The following PLXDC2 variants were observed in gnomAD, a reference collection of about 807,000 sequenced individuals.
PLXDC2 encodes the protein plexin domain-containing protein 2.
PLXDC2 carries 40 observed loss-of-function variants against 68.9 expected under a neutral mutation model. The ratio of observed to expected loss-of-function variants is 0.58; its 90% CI spans 0.45 to 0.76. The LOEUF is 0.76. Among genes scored for constraint, PLXDC2 ranks in the 30% least tolerant of loss-of-function variants. The pLI is 0.00. For missense variants in PLXDC2, 644 were observed against 661.9 expected (o/e 0.97, Z 0.30); for synonymous variants, 243 against 234.2 (o/e 1.04, Z -0.34).
intron 1 of PLXDC2, among the ~76,000 whole-genome samples, chr10:19,835,102 C>A (rs1698388250): frequency 6.6e-6 from 1 of 152,166 alleles, no homozygotes; most frequent in South Asian, 2.1e-4. Context: ...ACTGCCCTTG[C>A]CTGTTGGGCA....
intron 12 of PLXDC2, among the ~76,000 whole-genome samples, chr10:20,229,559 T>G (rs1480460312): frequency 6.7e-6 from 1 of 148,494 alleles, no homozygotes; most frequent in African/African-American, 2.5e-5. Context: ...TGATGGTTGA[T>G]GGAGAGAAAA....
intron 13 of PLXDC2, among the ~76,000 whole-genome samples, chr10:20,275,252 A>G (rs1835991231): frequency 6.6e-6 from 1 of 152,032 alleles, no homozygotes; most frequent in South Asian, 2.1e-4. Context: ...ACCTTAGAAA[A>G]TCATCACCCT....
In PLXDC2 at chr10:20,280,595, C is replaced by T. The variant is rs944562698; in HGVS notation, c.*776C>T. On this transcript the variant is annotated 3_prime_UTR_variant, in exon 14 of 14. Coordinates refer to ENST00000377252, the MANE Select transcript of PLXDC2 (RefSeq NM_032812.9). ...CTGTTTTCCTGCCTCAGCATGAAAA[C>T]ATCTGATTTATGCTTTATGGAAGCC... 6.6e-6 allele frequency: 1 copy of T among 152,060 alleles called. No individual in the cohort carries two copies. Among genetic ancestry groups the T allele is most frequent in the Non-Finnish European group, 1.5e-5 (1 of 68,008 alleles). The allele number at this position is 152,060 out of a possible 1,614,324, so 9.4% of individuals were successfully genotyped here.
At chr10:20,270,017 AAAAATAAAATAAAAT>A (rs149243687) in intron 13 of PLXDC2, among the ~76,000 whole-genome samples, 1,749 of 146,290 alleles carry the variant, frequency 0.012, 36 homozygotes, top group African/African-American at 0.041. Context: ...GGCTCCATCA[AAAAATAAAATAAAAT>A]AAAATAAAAT....
At position 20,285,112 on chromosome 10, in the gene PLXDC2, A is replaced by G. The variant is rs995603723; in HGVS notation, c.*5293A>G. On this transcript the variant is annotated 3_prime_UTR_variant, in exon 14 of 14. Transcript: ENST00000377252. ...TATAGCTGATTTTCTGACCACATATATAATTGCAATTTTTATTTGCTCTTC... is the reference window on the plus strand; with the variant it reads ...TATAGCTGATTTTCTGACCACATATGTAATTGCAATTTTTATTTGCTCTTC... 6.6e-6 allele frequency: 1 copy of G among 152,222 alleles called. No homozygotes were observed. The highest frequency in any genetic ancestry group is 1.5e-5 in the Non-Finnish European group (1 of 68,038). The allele number at this position is 152,222 out of a possible 1,614,324, so 9.4% of individuals were successfully genotyped here. A position where few individuals can be genotyped will look rare whatever the true frequency, so the allele number is the denominator to read the frequency against.
intron 1 of PLXDC2, among the ~76,000 whole-genome samples, chr10:19,893,518 A>G (rs1328737371): frequency 6.6e-6 from 1 of 152,202 alleles, no homozygotes; most frequent in Non-Finnish European, 1.5e-5. Flanking sequence ...AAGTTTTCCT[A>G]GCATAAGCCT....
At chr10:20,180,040 T>TGTTTTATTGAATACCGAACA (rs1834580329) in intron 9 of PLXDC2, among the ~76,000 whole-genome samples, 1 of 152,050 alleles carries the variant, frequency 6.6e-6, no homozygotes, top group East Asian at 1.9e-4. Context: ...GAAAAATAAA[T>TGTTTTATTGAATACCGAACA]CTTTCCTAGT....
In PLXDC2 at chr10:20,170,908, A is replaced by G. The variant is rs1834438488; in HGVS notation, c.884-6091A>G. ...TAAATGCCAAGTGTAATATTTACGTAAACATTATTCTTATTTCTTCTTTGC... is the reference window on the plus strand; with the variant it reads ...TAAATGCCAAGTGTAATATTTACGTGAACATTATTCTTATTTCTTCTTTGC... On this transcript the variant is annotated intron_variant, in intron 7 of 13. Transcript: ENST00000377252. 3.3e-5 allele frequency among the ~76,000 whole-genome samples: 5 copies of G among 151,948 alleles called. 1 individual carries two copies. The South Asian group carries it at 8.3e-4, about 25-fold the overall frequency.
At chr10:19,998,331 T>G (rs1834874907) in intron 1 of PLXDC2, among the ~76,000 whole-genome samples, 1 of 152,228 alleles carries the variant, frequency 6.6e-6, no homozygotes, top group Non-Finnish European at 1.5e-5. Flanking sequence ...CTGTCTTTAT[T>G]CTGTAAAACA....
At chr10:19,856,044 A>C (rs904573990) in intron 1 of PLXDC2, among the ~76,000 whole-genome samples, 1 of 152,298 alleles carries the variant, frequency 6.6e-6, no homozygotes, top group Admixed American at 6.5e-5. Context: ...GCAGTGAGCC[A>C]AGATCGTGCC....
intron 11 of PLXDC2, 119 bp from the exon 12 acceptor site, chr10:20,218,945 T>C: frequency 9.3e-7 from 1 of 1,075,642 alleles, no homozygotes. Flanking sequence ...CCACAATAAA[T>C]TATCAAAATC....
chr10:19,837,097 A>G (rs1452072289), intron 1 of PLXDC2, among the ~76,000 whole-genome samples: 1 of 149,804 alleles, frequency 6.7e-6, no homozygotes, highest in African/African-American at 2.5e-5. Flanking sequence ...TTGCGAGGTG[A>G]ATTGAAGGTT....
At chr10:20,111,877 TC>T (rs1295305763) in intron 4 of PLXDC2, among the ~76,000 whole-genome samples, 14 of 152,192 alleles carry the variant, frequency 9.2e-5, no homozygotes, top group African/African-American at 2.9e-4. Flanking sequence ...TCTGCATTCT[TC>T]CCAAATTCAT....
At chr10:20,054,396 TATGGATGG>T (rs371869910) in intron 3 of PLXDC2, among the ~76,000 whole-genome samples, 22 of 151,732 alleles carry the variant, frequency 1.4e-4, no homozygotes, top group African/African-American at 3.4e-4. Context: ...GATGCGTAAA[TATGGATGG>T]ATGGATGGAT....
At chr10:20,181,833 G>A (rs1215220161) in intron 9 of PLXDC2, among the ~76,000 whole-genome samples, 1 of 151,974 alleles carries the variant, frequency 6.6e-6, no homozygotes, top group African/African-American at 2.4e-5. Flanking sequence ...ATGCGAAGAA[G>A]GGATGTGATT....
intron 4 of PLXDC2, among the ~76,000 whole-genome samples, chr10:20,113,776 C>T (rs1833587619): frequency 6.6e-6 from 1 of 152,136 alleles, no homozygotes. Flanking sequence ...TTCCTCCATT[C>T]TTCTTTGGAA....
intron 2 of PLXDC2, among the ~76,000 whole-genome samples, chr10:20,022,660 G>A (rs1835331616): frequency 6.6e-6 from 1 of 152,066 alleles, no homozygotes; most frequent in Non-Finnish European, 1.5e-5. Context: ...TTCAGTATGG[G>A]TCCTTTTGCT....
intron 8 of PLXDC2, 43 bp downstream of exon 8, chr10:20,177,137 A>T (rs1157136408): frequency 1.6e-5 from 24 of 1,476,560 alleles, no homozygotes; most frequent in Non-Finnish European, 1.8e-5. Flanking sequence ...TGATTTCTAA[A>T]TTTGATGATC....
chr10:20,231,300 A>G (rs7909411), intron 12 of PLXDC2, among the ~76,000 whole-genome samples: 130,105 of 149,766 alleles, frequency 0.87, 57,093 homozygotes, highest in Middle Eastern at 0.94. Flanking sequence ...TTTGATATAT[A>G]TAAAATATGT....
Sources: gnomAD v4.1 joint callset for allele counts (sites outside exome capture counted in the v4.1 genomes callset) on GRCh38, gnomAD v4.1.1 for gene constraint, MANE v1.5 for transcripts, NCBI Gene and HGNC (gene_info 2026-07-23, HGNC 2026-07-21) for gene names.